CDH26: variants seen among roughly 807,000 people sequenced by gnomAD.
CDH26 encodes cadherin-like protein 26.
In CDH26, 83 loss-of-function variants were observed where a neutral mutation model predicts 90.3. That is an observed-to-expected ratio of 0.92 (90% CI 0.77 to 1.10). CDH26 has a LOEUF of 1.10. Among genes scored for constraint, CDH26 ranks in the 50% least tolerant of loss-of-function variants. The pLI, the probability that CDH26 is intolerant of heterozygous loss-of-function variation, is 0.00. For missense variants in CDH26, 1,013 were observed against 1,037.6 expected (o/e 0.98, Z 0.33); for synonymous variants, 397 against 396.3 (o/e 1.00, Z -0.02).
chr20:60,016,660 G>C (rs2061908027), downstream of CDH26, among the ~76,000 whole-genome samples: 3 of 150,888 alleles, frequency 2.0e-5, no homozygotes, highest in Admixed American at 6.6e-5. Flanking sequence ...TTGAATACAA[G>C]AAGAGAGAGT....
At position 59,958,590 on chromosome 20, in the gene CDH26, A is replaced by G. The variant is rs1569017334; in HGVS notation, c.-137A>G. The G allele has an allele frequency of 2.6e-6, 2 of 758,622 alleles. No individual in the cohort carries two copies. The highest frequency in any genetic ancestry group is 4.6e-6 in the Non-Finnish European group (2 of 439,042). The allele number at this position is 758,622 out of a possible 1,614,324, so 47.0% of individuals were successfully genotyped here. Reference sequence around the variant, plus strand: ...GGGAGGAGCAAGATGGGATGAAAGCATCTGGGCCAAAGTGACCTGAAAACC... The same window carrying G: ...GGGAGGAGCAAGATGGGATGAAAGCGTCTGGGCCAAAGTGACCTGAAAACC... On this transcript the variant is annotated 5_prime_UTR_variant, in exon 1 of 18. Transcript: ENST00000348616.
chr20:59,977,988 C>G (rs556002299), intron 4 of CDH26, among the ~76,000 whole-genome samples: 15 of 152,170 alleles, frequency 9.9e-5, no homozygotes, highest in Non-Finnish European at 1.6e-4. Context: ...TTTGCCTTTT[C>G]CAGAAGGTTA....
Position 60,002,812 on chromosome 20 carries a change from GGGTTATGGCAA to G in CDH26, c.2168_2178del (p.Gly723AlafsTer3). On this transcript the variant is annotated frameshift_variant and splice_region_variant, in exon 16 of 18. Transcript: ENST00000348616. LOFTEE classifies it high-confidence loss of function. ...CAGTAAATATTTCATCTTTCTTTAA[GGGTTATGGCAA>G]GCCCTTTGAGCCAAGAAGTGTGAAA... 2.5e-6 allele frequency: 4 copies of G among 1,592,864 alleles called. No individual in the cohort carries two copies. The highest frequency in any genetic ancestry group is 3.4e-6 in the Non-Finnish European group (4 of 1,167,024).
chr20:59,960,883 C>A (rs974096225), intron 1 of CDH26, among the ~76,000 whole-genome samples: 15 of 152,064 alleles, frequency 9.9e-5, no homozygotes, highest in African/African-American at 3.6e-4. Flanking sequence ...TGGCAATATT[C>A]ATTCAGAGCT....
intron 7 of CDH26, among the ~76,000 whole-genome samples, chr20:60,023,694 C>T (rs2061975625): frequency 6.6e-6 from 1 of 152,204 alleles, no homozygotes; most frequent in South Asian, 2.1e-4. Flanking sequence ...CTAATGGAGG[C>T]ACTCTACCTG....
rs551972039 is a variant in CDH26, at chr20:60,012,391, T to A, written c.2296-136T>A. ...CTGCCACTTCTGGAACTGTACGAACTCCTGTGTCAGCTGAGGACACGGGGC... is the reference window on the plus strand; with the variant it reads ...CTGCCACTTCTGGAACTGTACGAACACCTGTGTCAGCTGAGGACACGGGGC... On this transcript the variant is annotated intron_variant, in intron 17 of 17. Coordinates refer to ENST00000348616, the MANE Select transcript of CDH26 (RefSeq NM_177980.4). 4.1e-6 allele frequency: 3 copies of A among 730,994 alleles called. No homozygotes were observed. The South Asian group carries it at 5.7e-5, about 14-fold the overall frequency. 45.3% of individuals were successfully genotyped at this position (730,994 alleles called of 1,614,324 possible).
intron 5 of CDH26, 94 bp downstream of exon 5, chr20:59,983,164 A>C (rs2061414598): frequency 6.9e-7 from 1 of 1,445,824 alleles, no homozygotes; most frequent in Admixed American, 2.1e-5. Context: ...AGTCATCTTC[A>C]GGGAGAGTTT....
intron 4 of CDH26, among the ~76,000 whole-genome samples, chr20:59,981,281 C>T (rs926723691): frequency 6.6e-6 from 1 of 152,022 alleles, no homozygotes; most frequent in South Asian, 2.1e-4. Flanking sequence ...TTCTGCTAGT[C>T]TTTTGATTGG....
intron 17 of CDH26, among the ~76,000 whole-genome samples, chr20:60,009,123 T>C (rs992186442): frequency 6.6e-6 from 1 of 152,190 alleles, no homozygotes; most frequent in African/African-American, 2.4e-5. Flanking sequence ...CCATTTTCAC[T>C]ATAACCCAAT....
intron 17 of CDH26, among the ~76,000 whole-genome samples, chr20:60,011,969 G>A (rs1360532564): frequency 6.6e-6 from 1 of 152,142 alleles, no homozygotes; most frequent in Non-Finnish European, 1.5e-5. Context: ...AGCATGAATG[G>A]GGAGACTGGA....
At chr20:59,980,250 G>A (rs576744564) in intron 4 of CDH26, among the ~76,000 whole-genome samples, 2 of 151,814 alleles carry the variant, frequency 1.3e-5, no homozygotes, top group South Asian at 4.2e-4. Flanking sequence ...TTTTTTTGGA[G>A]AGGTGTCTGT....
At chr20:59,972,996 G>C (rs1439469588) in intron 4 of CDH26, among the ~76,000 whole-genome samples, 2 of 152,080 alleles carry the variant, frequency 1.3e-5, no homozygotes, top group Non-Finnish European at 2.9e-5. Context: ...TGACTCTCTA[G>C]GTCTTCCTTA....
In CDH26 at chr20:60,013,647, A is replaced by G. The variant is rs956007380; in HGVS notation, c.*917A>G. ...ATTGGATATCTAAAAGTCTACAGCCATATAAAAATTTTATATAATTAATGA... is the reference window on the plus strand; with the variant it reads ...ATTGGATATCTAAAAGTCTACAGCCGTATAAAAATTTTATATAATTAATGA... On this transcript the variant is annotated 3_prime_UTR_variant, in exon 18 of 18. Coordinates refer to ENST00000348616, the MANE Select transcript of CDH26 (RefSeq NM_177980.4). 6.6e-6 allele frequency: 1 copy of G among 152,222 alleles called. No individual in the cohort carries two copies. Among genetic ancestry groups the G allele is most frequent in the South Asian group, 2.1e-4 (1 of 4,832 alleles). The allele number at this position is 152,222 out of a possible 1,614,324, so 9.4% of individuals were successfully genotyped here.
intron 5 of CDH26, among the ~76,000 whole-genome samples, chr20:59,983,492 A>C (rs1287459571): frequency 6.7e-6 from 1 of 148,362 alleles, no homozygotes; most frequent in African/African-American, 2.4e-5. Context: ...TTTAATAACA[A>C]AAATCATTTT....
At chr20:59,999,759 C>T (rs2061650850) in intron 14 of CDH26, 96 bp downstream of exon 14, 1 of 1,118,908 alleles carries the variant, frequency 8.9e-7, no homozygotes, top group Non-Finnish European at 1.3e-6. Flanking sequence ...CCCAGTGCCA[C>T]ATCCAGGGAG....
At chr20:59,977,001 G>T (rs140037157) in intron 4 of CDH26, among the ~76,000 whole-genome samples, 12 of 152,200 alleles carry the variant, frequency 7.9e-5, no homozygotes, top group East Asian at 3.9e-4. Flanking sequence ...AAGAATCGGC[G>T]GAAGGTGCAG....
At chr20:60,029,647 C>T (rs894912668) in intron 7 of CDH26, among the ~76,000 whole-genome samples, 8 of 152,022 alleles carry the variant, frequency 5.3e-5, no homozygotes, top group Non-Finnish European at 1.2e-4. Context: ...CCTCCCACCC[C>T]GCAACAGGCC....
intron 17 of CDH26, among the ~76,000 whole-genome samples, chr20:60,007,812 T>C (rs1455647863): frequency 6.6e-6 from 1 of 152,176 alleles, no homozygotes; most frequent in African/African-American, 2.4e-5. Flanking sequence ...CAAGACCTGC[T>C]GGCCTCCTAC....
chr20:59,970,161 G>T lies in CDH26; in HGVS notation c.206G>T (p.Gly69Val). The part of the protein sequence containing the change: ...TTLELEEEDP[G>V]PFPKLIGELF... The stretch of plus-strand genomic sequence containing the variant: ...TTGGAGCTGGAGGAGGAAGACCCGG[G>T]ACCCTTTCCCAAACTCATTGGTGAG... The change falls in exon 3 of 18, where the codon GGA (glycine) becomes GTA (valine). Residue 69 changes from glycine (G) to valine (V), a missense_variant. Physicochemically the swap from Gly to Val is moderately radical, Grantham distance 109 (BLOSUM62 -3). Transcript: ENST00000348616. 6.2e-7 allele frequency: 1 copy of T among 1,614,000 alleles called. No homozygotes were observed. Among genetic ancestry groups the T allele is most frequent in the Non-Finnish European group, 8.5e-7 (1 of 1,179,934 alleles).
Sources: gnomAD v4.1 joint callset for allele counts (sites outside exome capture counted in the v4.1 genomes callset) on GRCh38, gnomAD v4.1.1 for gene constraint, MANE v1.5 for transcripts, NCBI Gene and HGNC (gene_info 2026-07-23, HGNC 2026-07-21) for gene names.